The following RAB38 variants were observed in gnomAD, a reference collection of about 807,000 sequenced individuals.
The protein encoded by RAB38 is ras-related protein Rab-38.
RAB38 carries 15 observed loss-of-function variants against 18.4 expected under a neutral mutation model. The observed-to-expected ratio is 0.82, with a 90% CI of 0.55 to 1.26. The LOEUF is 1.26. Ranked by LOEUF, RAB38 falls within the 50% of genes most tolerant of loss-of-function variation. The probability of loss-of-function intolerance (pLI) is 0.00; values close to 1 mark genes in which losing one functional copy is unlikely to be tolerated. For synonymous variants in RAB38, 101 were observed against 104.4 expected, an observed-to-expected ratio of 0.97 and a Z score of 0.20; for missense variants, 294 against 267.4, an observed-to-expected ratio of 1.10 and a Z score of -0.69.
At chr11:87,866,975 T>C in the RAB38 span, among the ~76,000 whole-genome samples, 1 of 151,732 alleles carries the variant, frequency 6.6e-6, no homozygotes, top group African/African-American at 2.4e-5. Flanking sequence ...TGCAAAATAT[T>C]TGGGAGGCAG....
chr11:88,008,285 T>C, the RAB38 span, among the ~76,000 whole-genome samples: 923 of 152,242 alleles, frequency 6.1e-3, 3 homozygotes, highest in Non-Finnish European at 0.01. Flanking sequence ...AAATTAAATA[T>C]ATTATAGCTA....
the RAB38 span, among the ~76,000 whole-genome samples, chr11:87,814,161 C>T: frequency 6.6e-6 from 1 of 152,128 alleles, no homozygotes; most frequent in Admixed American, 6.5e-5. Flanking sequence ...GGGTAGTACT[C>T]CCGAGTGGGA....
the RAB38 span, among the ~76,000 whole-genome samples, chr11:87,938,052 A>G: frequency 6.6e-6 from 1 of 152,004 alleles, no homozygotes; most frequent in African/African-American, 2.4e-5. Context: ...TTATATACTG[A>G]GATTCTGGGA....
chr11:88,019,650 T>G, the RAB38 span, among the ~76,000 whole-genome samples: 1 of 152,202 alleles, frequency 6.6e-6, no homozygotes, highest in Non-Finnish European at 1.5e-5. Flanking sequence ...TCATATTCTA[T>G]CAGCCTCCCT....
the RAB38 span, among the ~76,000 whole-genome samples, chr11:87,917,235 T>C: frequency 0.095 from 14,419 of 151,968 alleles, 1,578 homozygotes; most frequent in African/African-American, 0.27. Flanking sequence ...CGTGGGGTAT[T>C]GTGGGGGTCA....
intron 1 of RAB38, among the ~76,000 whole-genome samples, chr11:88,158,549 A>T (rs1943152729): frequency 6.6e-6 from 1 of 152,154 alleles, no homozygotes; most frequent in Admixed American, 6.5e-5. Flanking sequence ...AACCAAATCC[A>T]ACAGCACATG....
At chr11:87,908,670 G>T in the RAB38 span, among the ~76,000 whole-genome samples, 1 of 151,902 alleles carries the variant, frequency 6.6e-6, no homozygotes, top group Admixed American at 6.6e-5. Flanking sequence ...AAGAATCAAA[G>T]GTAAATTTGC....
chr11:87,956,732 AT>A, the RAB38 span, among the ~76,000 whole-genome samples: 10 of 152,044 alleles, frequency 6.6e-5, no homozygotes, highest in South Asian at 2.1e-4. Context: ...GTTATAAAAC[AT>A]TTTTTTTAAT....
the RAB38 span, among the ~76,000 whole-genome samples, chr11:87,851,510 G>A: frequency 1.3e-5 from 2 of 152,180 alleles, no homozygotes; most frequent in African/African-American, 4.8e-5. Context: ...ATTGCTGTTT[G>A]TTTGGTCTGA....
At chr11:88,048,120 A>C in the RAB38 span, among the ~76,000 whole-genome samples, 4 of 151,956 alleles carry the variant, frequency 2.6e-5, no homozygotes, top group African/African-American at 4.8e-5. Context: ...CTACACATCA[A>C]GCTCTGGGAT....
chr11:88,085,216 C>T, the RAB38 span, among the ~76,000 whole-genome samples: 1 of 151,894 alleles, frequency 6.6e-6, no homozygotes, highest in Non-Finnish European at 1.5e-5. Flanking sequence ...TGAGAACCAA[C>T]CTCATTCACT....
chr11:87,873,567 T>C, the RAB38 span, among the ~76,000 whole-genome samples: 2 of 151,554 alleles, frequency 1.3e-5, no homozygotes, highest in South Asian at 4.1e-4. Context: ...CTATGTTATG[T>C]TCTGGGAGTT....
At chr11:87,889,176 C>CCTTCCCT in the RAB38 span, among the ~76,000 whole-genome samples, 1 of 151,632 alleles carries the variant, frequency 6.6e-6, no homozygotes, top group Non-Finnish European at 1.5e-5. Flanking sequence ...TGCTGATGTG[C>CCTTCCCT]CTGCCCAGGA....
At chr11:88,149,499 T>C (rs947311162) in intron 2 of RAB38, among the ~76,000 whole-genome samples, 176 bp downstream of exon 2, 3 of 152,222 alleles carry the variant, frequency 2.0e-5, no homozygotes, top group African/African-American at 7.2e-5. Flanking sequence ...AAATTGTAGA[T>C]AATAATTCCT....
At chr11:87,821,829 C>T in the RAB38 span, among the ~76,000 whole-genome samples, 1 of 141,350 alleles carries the variant, frequency 7.1e-6, no homozygotes, top group Non-Finnish European at 1.5e-5. Context: ...CCACCCTGGG[C>T]GAAAGAGCGA....
intron 1 of RAB38, among the ~76,000 whole-genome samples, chr11:88,163,475 T>C (rs1181229354): frequency 6.6e-6 from 1 of 152,144 alleles, no homozygotes; most frequent in Admixed American, 6.5e-5. Context: ...CCAAACTCTT[T>C]TAGCAATTTC....
intron 2 of RAB38, among the ~76,000 whole-genome samples, chr11:88,147,037 C>G (rs1441308100): frequency 1.3e-5 from 2 of 152,182 alleles, no homozygotes; most frequent in Admixed American, 6.5e-5. Context: ...CAAGGAACGT[C>G]AGAGTGAGGT....
At chr11:87,854,940 G>T in the RAB38 span, among the ~76,000 whole-genome samples, 42 of 152,124 alleles carry the variant, frequency 2.8e-4, 1 homozygote, top group East Asian at 7.8e-3. Context: ...GACTACAGGT[G>T]CCCACCACCA....
At chr11:87,852,786 T>G in the RAB38 span, among the ~76,000 whole-genome samples, 1 of 152,164 alleles carries the variant, frequency 6.6e-6, no homozygotes, top group African/African-American at 2.4e-5. Context: ...AACACAATCT[T>G]GCTTTGCTTC....
Sources: gnomAD v4.1 joint callset for allele counts (sites outside exome capture counted in the v4.1 genomes callset) on GRCh38, gnomAD v4.1.1 for gene constraint, MANE v1.5 for transcripts, NCBI Gene and HGNC (gene_info 2026-07-23, HGNC 2026-07-21) for gene names.